The following RANBP17 variants were observed in gnomAD, a reference collection of about 807,000 sequenced individuals.
The protein encoded by RANBP17 is ran-binding protein 17.
A neutral mutation model predicts 141.2 loss-of-function variants in RANBP17; 158 were observed. That is an observed-to-expected ratio of 1.12 (90% CI 0.98 to 1.28). The LOEUF (loss-of-function observed/expected upper bound fraction) is 1.28. RANBP17 is among the 50% of genes most tolerant of loss of function. RANBP17 has a pLI of 0.00. For missense variants in RANBP17, 1,438 were observed against 1,290.7 expected (o/e 1.11, Z -1.75); for synonymous variants, 430 against 450.0 (o/e 0.96, Z 0.56).
chr5:170,885,440 G>A (rs1769063721), intron 3 of RANBP17, among the ~76,000 whole-genome samples: 1 of 152,152 alleles, frequency 6.6e-6, no homozygotes, highest in Admixed American at 6.5e-5. Flanking sequence ...AAAAATGCAA[G>A]AGCTGTTGGT....
intron 24 of RANBP17, among the ~76,000 whole-genome samples, chr5:171,256,757 A>T (rs1260056656): frequency 6.6e-6 from 1 of 152,188 alleles, no homozygotes. Flanking sequence ...ATGAAAGATC[A>T]TCAGAGACTA....
At chr5:171,045,203 A>T (rs1782498999) in intron 14 of RANBP17, among the ~76,000 whole-genome samples, 1 of 152,074 alleles carries the variant, frequency 6.6e-6, no homozygotes. Flanking sequence ...AGAAAACATT[A>T]TTTCTAGTTT....
intron 14 of RANBP17, among the ~76,000 whole-genome samples, chr5:170,994,247 A>T (rs1310856972): frequency 6.6e-6 from 1 of 152,004 alleles, no homozygotes; most frequent in East Asian, 1.9e-4. Flanking sequence ...TTATCTAATC[A>T]AGTTCGGATA....
chr5:171,175,170 G>A (rs1760363631), intron 16 of RANBP17, among the ~76,000 whole-genome samples: 1 of 152,240 alleles, frequency 6.6e-6, no homozygotes, highest in Non-Finnish European at 1.5e-5. Flanking sequence ...TGGTGTATAT[G>A]TGGCACATTT....
chr5:170,892,493 G>A lies in RANBP17; in HGVS notation c.363G>A (p.Glu121=), dbSNP rs372086128. 991 of 1,613,870 alleles carry A rather than the reference G, an allele frequency of 6.1e-4. 10 individuals are homozygous for A. In the South Asian group the frequency reaches 0.01, roughly 17 times the overall value. The change falls in exon 4 of 28, where the codon GAG becomes GAA. Residue 121 remains glutamate (E), a synonymous_variant. Coordinates refer to ENST00000523189, the MANE Select transcript of RANBP17 (RefSeq NM_022897.5). ...IAKITKLGWF[E]VQKDQFVFRE... is the part of the protein sequence containing the mutation. ...AAATCACTAAGTTGGGGTGGTTTGA[G>A]GTTCAGAAAGACCAATTTGTCTTCA...
At chr5:171,174,337 T>A (rs957907191) in intron 16 of RANBP17, among the ~76,000 whole-genome samples, 1 of 152,114 alleles carries the variant, frequency 6.6e-6, no homozygotes, top group African/African-American at 2.4e-5. Context: ...TACTTGGGGA[T>A]CTTTCCCTTC....
At chr5:171,129,766 A>G (rs781503863) in intron 14 of RANBP17, among the ~76,000 whole-genome samples, 3 of 152,300 alleles carry the variant, frequency 2.0e-5, no homozygotes, top group East Asian at 1.9e-4. Context: ...TAGTTATCAT[A>G]CTGACTTTGT....
At chr5:171,184,077 C>T (rs1761058682) in intron 18 of RANBP17, among the ~76,000 whole-genome samples, 1 of 152,052 alleles carries the variant, frequency 6.6e-6, no homozygotes. Flanking sequence ...AGAGGATCCT[C>T]AGAAAATTCA....
At chr5:171,205,314 T>G (rs1324827815) in intron 19 of RANBP17, among the ~76,000 whole-genome samples, 1 of 152,192 alleles carries the variant, frequency 6.6e-6, no homozygotes, top group Non-Finnish European at 1.5e-5. Flanking sequence ...GAATTATGAC[T>G]TAGCTAAATT....
chr5:171,174,514 G>C (rs941899822), intron 16 of RANBP17, among the ~76,000 whole-genome samples: 2 of 152,132 alleles, frequency 1.3e-5, no homozygotes, highest in African/African-American at 2.4e-5. Flanking sequence ...AAACGGAGAA[G>C]AGTATCACAT....
intron 14 of RANBP17, among the ~76,000 whole-genome samples, chr5:171,128,057 C>T (rs938325228): frequency 6.6e-6 from 1 of 151,980 alleles, no homozygotes; most frequent in Admixed American, 6.5e-5. Context: ...ACTTGGGAGG[C>T]TGAGGCAGGA....
chr5:171,229,577 T>C (rs1764083499), intron 22 of RANBP17, among the ~76,000 whole-genome samples: 1 of 151,268 alleles, frequency 6.6e-6, no homozygotes, highest in South Asian at 2.1e-4. Context: ...GTATTTTTAG[T>C]AGAGATGGGG....
At chr5:170,902,630 C>T (rs935876369) in intron 5 of RANBP17, among the ~76,000 whole-genome samples, 2 of 152,180 alleles carry the variant, frequency 1.3e-5, no homozygotes, top group African/African-American at 4.8e-5. Context: ...AGCCTTTTTG[C>T]ACTGGTTTTT....
At chr5:171,230,106 A>AGG (rs1764120430) in intron 22 of RANBP17, among the ~76,000 whole-genome samples, 1 of 152,126 alleles carries the variant, frequency 6.6e-6, no homozygotes, top group African/African-American at 2.4e-5. Context: ...TCTTCCCTTA[A>AGG]GGAACTTAAG....
At chr5:171,061,951 C>T (rs373426648) in intron 14 of RANBP17, among the ~76,000 whole-genome samples, 4 of 151,546 alleles carry the variant, frequency 2.6e-5, no homozygotes, top group Non-Finnish European at 2.9e-5. Context: ...GTTGGTTTAA[C>T]GTCTGTTTTA....
At chr5:170,871,249 A>G (rs1419998538) in intron 1 of RANBP17, among the ~76,000 whole-genome samples, 1 of 152,040 alleles carries the variant, frequency 6.6e-6, no homozygotes, top group Non-Finnish European at 1.5e-5. Flanking sequence ...GGGTTTCACT[A>G]TGTTGGCCAG....
At chr5:170,995,664 G>A (rs1778771394) in intron 14 of RANBP17, among the ~76,000 whole-genome samples, 1 of 152,102 alleles carries the variant, frequency 6.6e-6, no homozygotes, top group Non-Finnish European at 1.5e-5. Context: ...TTTACTGAAT[G>A]TAAAAAGTTT....
intron 25 of RANBP17, among the ~76,000 whole-genome samples, chr5:171,285,040 C>G (rs1275779295): frequency 6.6e-6 from 1 of 152,214 alleles, no homozygotes; most frequent in African/African-American, 2.4e-5. Flanking sequence ...TACTCCCTGC[C>G]ACTCAAAAGG....
At chr5:171,009,671 T>G (rs1779892555) in intron 14 of RANBP17, among the ~76,000 whole-genome samples, 1 of 108,348 alleles carries the variant, frequency 9.2e-6, no homozygotes, top group Admixed American at 9.7e-5. Flanking sequence ...TTGAAAAATT[T>G]TTTGAATCAG....
Sources: gnomAD v4.1 joint callset for allele counts (sites outside exome capture counted in the v4.1 genomes callset) on GRCh38, gnomAD v4.1.1 for gene constraint, MANE v1.5 for transcripts, NCBI Gene and HGNC (gene_info 2026-07-23, HGNC 2026-07-21) for gene names.